RCC2: variants seen among roughly 807,000 people sequenced by gnomAD.
The protein encoded by RCC2 is protein RCC2.
RCC2 carries 19 observed loss-of-function variants against 64.1 expected under a neutral mutation model. The ratio of observed to expected loss-of-function variants is 0.30; its 90% confidence interval spans 0.21 to 0.44. RCC2 has a LOEUF of 0.44. RCC2 is among the 20% of genes least tolerant of loss of function. The pLI, the probability that RCC2 is intolerant of heterozygous loss-of-function variation, is 1.00. For synonymous variants in RCC2, 325 were observed against 279.6 expected, an observed-to-expected ratio of 1.16 and a Z score of -1.62; for missense variants, 508 against 710.4, an observed-to-expected ratio of 0.72 and a Z score of 3.24.
In RCC2 at chr1:17,407,192, C is replaced by T. The variant is rs772631308; in HGVS notation, c.*1898G>A. On this transcript the variant is annotated 3_prime_UTR_variant, in exon 13 of 13. Coordinates refer to ENST00000375436, the MANE Select transcript of RCC2 (RefSeq NM_018715.4). ...GGCTGCCACGTTTACATGAGGCCAC[C>T]GAAGATCTAAGTCCAGCTAAGCCCA... is the stretch of plus-strand genomic sequence containing the variant. 4 of 152,204 alleles carry T rather than the reference C, an allele frequency of 2.6e-5. No individual in the cohort carries two copies. Among genetic ancestry groups the T allele is most frequent in the South Asian group, 2.1e-4 (1 of 4,814 alleles). 9.4% of individuals were successfully genotyped at this position (152,204 alleles called of 1,614,324 possible). A position where few individuals can be genotyped will look rare whatever the true frequency, so the allele number is the denominator to read the frequency against.
chr1:17,418,482 C>T (rs564028364), intron 7 of RCC2, among the ~76,000 whole-genome samples: 5 of 152,226 alleles, frequency 3.3e-5, no homozygotes, highest in African/African-American at 1.2e-4. Flanking sequence ...CATGGTGAAA[C>T]CCCGTCTCTA....
intron 4 of RCC2, 62 bp downstream of exon 4, chr1:17,425,479 G>C: frequency 1.4e-6 from 2 of 1,473,150 alleles, no homozygotes; most frequent in Non-Finnish European, 1.8e-6. Context: ...ACAGAAGAAC[G>C]TGCTGTGTGG....
intron 8 of RCC2, among the ~76,000 whole-genome samples, chr1:17,415,712 AT>A (rs767459956): frequency 4.0e-4 from 60 of 150,332 alleles, no homozygotes; most frequent in East Asian, 1.4e-3. Flanking sequence ...TCCGCCTCAA[AT>A]AAAAAAAAAA....
intron 3 of RCC2, among the ~76,000 whole-genome samples, chr1:17,427,172 C>T (rs2075625700): frequency 6.6e-6 from 1 of 152,220 alleles, no homozygotes; most frequent in African/African-American, 2.4e-5. Flanking sequence ...AATGTAGGAA[C>T]TGATAAAAAG....
chr1:17,438,771 T>G (rs564715209), intron 1 of RCC2, among the ~76,000 whole-genome samples: 1 of 152,160 alleles, frequency 6.6e-6, no homozygotes, highest in South Asian at 2.1e-4. Flanking sequence ...GAGGGAGAAT[T>G]GAGACCCCCG....
chr1:17,435,733 G>A lies in RCC2; in HGVS notation c.285+2497C>T, dbSNP rs570527636. Among the ~76,000 whole-genome samples, 8 of 151,962 alleles carry A rather than the reference G, an allele frequency of 5.3e-5. No homozygotes were observed. The South Asian group carries it at 8.3e-4, about 16-fold the overall frequency. On this transcript the variant is annotated intron_variant, in intron 2 of 12. Coordinates refer to ENST00000375436, the MANE Select transcript of RCC2 (RefSeq NM_018715.4). The stretch of plus-strand genomic sequence containing the variant: ...GGAGTTCGAGACCAGCCTGGCCAAC[G>A]TGGTGAAACCCCGTCTCTACTAAAA...
chr1:17,432,775 G>C lies in RCC2; in HGVS notation c.286-3576C>G, dbSNP rs565076962. On this transcript the variant is annotated intron_variant, in intron 2 of 12. Coordinates refer to ENST00000375436, the MANE Select transcript of RCC2 (RefSeq NM_018715.4). ...CCATCAAGCTAGCTAAGCATTTATA[G>C]GCAAACCCAACCACGCCAATAAAAA... 7.7e-4 allele frequency among the ~76,000 whole-genome samples: 117 copies of C among 152,266 alleles called. 1 individual carries two copies. The highest frequency in any genetic ancestry group is 2.7e-3 in the African/African-American group (113 of 41,554).
In RCC2 at chr1:17,426,759, CTTTTTTTTTTT is replaced by C. The variant is rs146347066; in HGVS notation, c.380-1086_380-1076del. ...GGGGCAGGGCCAATTTCTTACTTTT[CTTTTTTTTTTT>C]TTTTTTTTTTTTTTGAGACAGTTTC... On this transcript the variant is annotated intron_variant, in intron 3 of 12. Coordinates refer to ENST00000375436, the MANE Select transcript of RCC2 (RefSeq NM_018715.4). 2.7e-3 allele frequency among the ~76,000 whole-genome samples: 294 copies of C among 110,036 alleles called. 1 individual carries two copies. Among genetic ancestry groups the C allele is most frequent in the African/African-American group, 9.3e-3 (265 of 28,438 alleles). The allele number at this position is 110,036 out of a possible 152,430, so 72.2% of individuals were successfully genotyped here.
chr1:17,422,047 A>T (rs2075561753), intron 6 of RCC2, among the ~76,000 whole-genome samples, 156 bp downstream of exon 6: 1 of 152,192 alleles, frequency 6.6e-6, no homozygotes, highest in Non-Finnish European at 1.5e-5. Context: ...AAAAAACAAA[A>T]AAACAAACAA....
chr1:17,423,197 C>A (rs2075574271), intron 4 of RCC2, among the ~76,000 whole-genome samples: 1 of 152,204 alleles, frequency 6.6e-6, no homozygotes, highest in South Asian at 2.1e-4. Context: ...AAGACAACCA[C>A]CCCGTCCCTA....
Position 17,429,340 on chromosome 1 carries a change from C to T in RCC2, c.286-141G>A, listed in dbSNP as rs528787499. 342 of 660,136 alleles carry T rather than the reference C, an allele frequency of 5.2e-4. 2 individuals carry two copies. In the South Asian group the frequency reaches 5.5e-3, roughly 11 times the overall value. 40.9% of individuals were successfully genotyped at this position (660,136 alleles called of 1,614,324 possible). ...CCTGTGACCTCCACACGAACAGAGT[C>T]TCCCCACACTCCCCTCCCTCATCGG... On this transcript the variant is annotated intron_variant, in intron 2 of 12. Transcript: ENST00000375436.
intron 2 of RCC2, among the ~76,000 whole-genome samples, chr1:17,431,861 G>A (rs1416309691): frequency 6.6e-6 from 1 of 152,186 alleles, no homozygotes; most frequent in African/African-American, 2.4e-5. Context: ...CACTTTGGGA[G>A]GCCAAAGTGG....
intron 4 of RCC2, among the ~76,000 whole-genome samples, chr1:17,423,307 T>C (rs778442992): frequency 6.6e-6 from 1 of 152,234 alleles, no homozygotes; most frequent in Non-Finnish European, 1.5e-5. Flanking sequence ...GACCATTTGG[T>C]GTCTGCCCAA....
Position 17,412,478 on chromosome 1 carries a change from G to A in RCC2, c.1314-284C>T, listed in dbSNP as rs1418801575. On this transcript the variant is annotated intron_variant, in intron 10 of 12. Transcript: ENST00000375436. ...CACAGCTCTCTCTCAGTGGGAGGTCGCTTTGGGAAGAGGAGACCAGATCAG... is the reference window on the plus strand; with the variant it reads ...CACAGCTCTCTCTCAGTGGGAGGTCACTTTGGGAAGAGGAGACCAGATCAG... Among the ~76,000 whole-genome samples, 8 of 152,360 alleles carry A rather than the reference G, an allele frequency of 5.3e-5. No individual in the cohort carries two copies. The East Asian group carries it at 1.2e-3, about 22-fold the overall frequency.
At chr1:17,436,325 A>C (rs1045642738) in intron 2 of RCC2, among the ~76,000 whole-genome samples, 3 of 152,170 alleles carry the variant, frequency 2.0e-5, no homozygotes, top group African/African-American at 7.2e-5. Flanking sequence ...CCAACATGGT[A>C]AAACCCAGCC....
rs370101043 is a variant in RCC2 at position 17,422,185 on chromosome 1, G to A, written c.744+18C>T. On this transcript the variant is annotated intron_variant, in intron 6 of 12. Transcript: ENST00000375436. The stretch of plus-strand genomic sequence containing the variant: ...AGAGAAACAAAAAGCCATGGAGCCG[G>A]AGCTGAGGAGGGGTCACCTGCGCGG... 2.0e-4 allele frequency: 309 copies of A among 1,564,732 alleles called. No homozygotes were observed. Among genetic ancestry groups the A allele is most frequent in the Non-Finnish European group, 2.5e-4 (281 of 1,146,104 alleles).
Position 17,409,026 on chromosome 1 carries a change from C to G in RCC2, c.*64G>C, listed in dbSNP as rs2075396129. 8.2e-7 allele frequency: 1 copy of G among 1,224,268 alleles called. No homozygotes were observed. Among genetic ancestry groups the G allele is most frequent in the African/African-American group, 1.5e-5 (1 of 67,202 alleles). 75.8% of individuals were successfully genotyped at this position (1,224,268 alleles called of 1,614,324 possible). On this transcript the variant is annotated 3_prime_UTR_variant, in exon 13 of 13. Transcript: ENST00000375436. ...TTAAATTCCTCGTTTGACTTCCCGT[C>G]CCAGTGCACATGGAAATGACAGCTG...
At chr1:17,437,235 T>A (rs550996636) in intron 2 of RCC2, among the ~76,000 whole-genome samples, 4 of 152,268 alleles carry the variant, frequency 2.6e-5, no homozygotes, top group African/African-American at 9.6e-5. Flanking sequence ...TTAAACACCC[T>A]TAGGAGATGG....
At chr1:17,436,506 C>CAA (rs1406614709) in intron 2 of RCC2, among the ~76,000 whole-genome samples, 4 of 146,954 alleles carry the variant, frequency 2.7e-5, no homozygotes, top group African/African-American at 7.5e-5. Flanking sequence ...GACTCTGCCT[C>CAA]AAAAAAAAAA....
Sources: gnomAD v4.1 joint callset for allele counts (sites outside exome capture counted in the v4.1 genomes callset) on GRCh38, gnomAD v4.1.1 for gene constraint, MANE v1.5 for transcripts, NCBI Gene and HGNC (gene_info 2026-07-23, HGNC 2026-07-21) for gene names.